PLEKHA5: variants seen among roughly 807,000 people sequenced by gnomAD.
PLEKHA5 encodes pleckstrin homology domain-containing family A member 5.
Under a neutral mutation model 181.9 loss-of-function variants are expected in PLEKHA5, and 55 were observed. The observed-to-expected ratio is 0.30, with a 90% CI of 0.24 to 0.38. The LOEUF is 0.38. Ranked by LOEUF, PLEKHA5 falls within the 10% of genes least tolerant of loss-of-function variation. The pLI, the probability that PLEKHA5 is intolerant of heterozygous loss-of-function variation, is 1.00. For synonymous variants in PLEKHA5, 535 were observed against 529.4 expected, an observed-to-expected ratio of 1.01 and a Z score of -0.15; for missense variants, 1,432 against 1,549.5, an observed-to-expected ratio of 0.92 and a Z score of 1.27.
intron 3 of PLEKHA5, among the ~76,000 whole-genome samples, chr12:19,145,487 T>C (rs186648746): frequency 2.6e-5 from 4 of 152,292 alleles, no homozygotes; most frequent in East Asian, 1.9e-4. Flanking sequence ...TACATACTTA[T>C]ATATACATAA....
chr12:19,273,609 T>C (rs2073702458), intron 10 of PLEKHA5, among the ~76,000 whole-genome samples: 1 of 152,148 alleles, frequency 6.6e-6, no homozygotes, highest in African/African-American at 2.4e-5. Flanking sequence ...CACACTCAGC[T>C]TGATCTTTTC....
chr12:19,280,515 ATC>A (rs2075834410), intron 11 of PLEKHA5, among the ~76,000 whole-genome samples: 1 of 152,098 alleles, frequency 6.6e-6, no homozygotes, highest in Admixed American at 6.5e-5. Context: ...AATTACCAAT[ATC>A]TCTGACATTT....
chr12:19,281,496 G>A (rs773669289), intron 11 of PLEKHA5, among the ~76,000 whole-genome samples: 21 of 151,550 alleles, frequency 1.4e-4, no homozygotes, highest in Middle Eastern at 3.4e-3. Flanking sequence ...AGAATCACTC[G>A]AACCTGAGAG....
intron 3 of PLEKHA5, among the ~76,000 whole-genome samples, chr12:19,253,583 G>A (rs2065995467): frequency 6.6e-6 from 1 of 151,802 alleles, no homozygotes; most frequent in South Asian, 2.1e-4. Context: ...TTGTGAGGCC[G>A]AGGCGGGTGG....
intron 3 of PLEKHA5, among the ~76,000 whole-genome samples, chr12:19,179,714 C>T (rs556235219): frequency 8.1e-4 from 123 of 152,110 alleles, no homozygotes; most frequent in South Asian, 4.2e-4. Flanking sequence ...ATGTTTAGAG[C>T]GTAAATTTTT....
intron 3 of PLEKHA5, among the ~76,000 whole-genome samples, chr12:19,188,197 G>A (rs1210625893): frequency 1.3e-5 from 2 of 152,166 alleles, no homozygotes; most frequent in African/African-American, 4.8e-5. Flanking sequence ...ATAGAGTTGA[G>A]TGTAAAGAAG....
intron 3 of PLEKHA5, 85 bp from the exon 4 acceptor site, chr12:19,253,855 A>G: frequency 1.1e-6 from 1 of 875,842 alleles, no homozygotes. Flanking sequence ...TTTGAATTTC[A>G]TTTCCTTTGT....
intron 3 of PLEKHA5, among the ~76,000 whole-genome samples, chr12:19,245,445 C>G (rs1345791975): frequency 6.6e-6 from 1 of 152,104 alleles, no homozygotes; most frequent in Admixed American, 6.5e-5. Flanking sequence ...TCTCATATCT[C>G]TGACTAGTGA....
rs181628062 is a variant in PLEKHA5, at chr12:19,246,059, C to T, written c.228-7881C>T. On this transcript the variant is annotated intron_variant, in intron 3 of 31. Coordinates refer to ENST00000429027, the MANE Select transcript of PLEKHA5 (RefSeq NM_001256470.2). ...AGTGGCATGATCTTGGCTCACTGCA[C>T]GCTCCATCTCCCAGGTTCATGCCAT... 8.0e-5 allele frequency among the ~76,000 whole-genome samples: 12 copies of T among 150,228 alleles called. No individual in the cohort carries two copies. The East Asian group carries it at 1.0e-3, about 13-fold the overall frequency.
chr12:19,309,669 C>A (rs2085662906), intron 15 of PLEKHA5, among the ~76,000 whole-genome samples: 1 of 151,888 alleles, frequency 6.6e-6, no homozygotes, highest in South Asian at 2.1e-4. Context: ...CACTTGAACC[C>A]GGGAGGTGGA....
At chr12:19,163,670 C>CTATCTATT (rs2043529032) in intron 3 of PLEKHA5, among the ~76,000 whole-genome samples, 1 of 29,268 alleles carries the variant, frequency 3.4e-5, no homozygotes, top group Admixed American at 3.2e-4. Flanking sequence ...TGTGGTCTTC[C>CTATCTATT]TATCTATCTA....
intron 3 of PLEKHA5, among the ~76,000 whole-genome samples, chr12:19,228,060 C>G (rs2059934732): frequency 6.6e-6 from 1 of 152,154 alleles, no homozygotes; most frequent in Admixed American, 6.5e-5. Context: ...TTAGTATAAG[C>G]CCTGCATCAC....
chr12:19,216,811 T>C (rs866110362), intron 3 of PLEKHA5, among the ~76,000 whole-genome samples: 3 of 152,170 alleles, frequency 2.0e-5, no homozygotes, highest in Non-Finnish European at 4.4e-5. Context: ...TTCTTGTAAA[T>C]GTGATTACTA....
chr12:19,175,742 C>G (rs781446582), intron 3 of PLEKHA5, among the ~76,000 whole-genome samples: 21 of 152,260 alleles, frequency 1.4e-4, no homozygotes, highest in Non-Finnish European at 2.2e-4. Flanking sequence ...TGTTGAAACT[C>G]TTTTGCTTAG....
intron 3 of PLEKHA5, among the ~76,000 whole-genome samples, chr12:19,148,830 A>G (rs1449424901): frequency 6.6e-6 from 1 of 152,198 alleles, no homozygotes; most frequent in African/African-American, 2.4e-5. Context: ...TTTTGTTGTT[A>G]ACAGAATAAT....
chr12:19,153,833 T>A (rs1307385087), intron 3 of PLEKHA5: 1 of 152,198 alleles, frequency 6.6e-6, no homozygotes, highest in Non-Finnish European at 1.5e-5. Flanking sequence ...TTTCTTCTCT[T>A]GTACTGTCAT....
chr12:19,273,295 T>C (rs1465910834), intron 10 of PLEKHA5, among the ~76,000 whole-genome samples: 1 of 152,164 alleles, frequency 6.6e-6, no homozygotes, highest in Admixed American at 6.5e-5. Flanking sequence ...CTAGAAGCCA[T>C]GGTTTATATT....
chr12:19,271,995 A>G (rs1207969751), intron 10 of PLEKHA5, among the ~76,000 whole-genome samples: 1 of 152,154 alleles, frequency 6.6e-6, no homozygotes, highest in East Asian at 1.9e-4. Flanking sequence ...AAGCTAATGC[A>G]CTCATTTTGC....
chr12:19,315,836 C>T (rs1434137006), intron 16 of PLEKHA5, among the ~76,000 whole-genome samples: 2 of 152,034 alleles, frequency 1.3e-5, no homozygotes, highest in Non-Finnish European at 2.9e-5. Context: ...ATCTGCATCA[C>T]AGGGCCATGT....
Sources: gnomAD v4.1 joint callset for allele counts (sites outside exome capture counted in the v4.1 genomes callset) on GRCh38, gnomAD v4.1.1 for gene constraint, MANE v1.5 for transcripts, NCBI Gene and HGNC (gene_info 2026-07-23, HGNC 2026-07-21) for gene names.